Variants in RCSD1 observed in about 807,000 individuals in gnomAD.
The protein encoded by RCSD1 is capZ-interacting protein.
RCSD1 carries 26 observed loss-of-function variants against 42.5 expected under a neutral mutation model. The ratio of observed to expected loss-of-function variants is 0.61; its 90% CI spans 0.45 to 0.85. The LOEUF (loss-of-function observed/expected upper bound fraction) is 0.85. Ranked by LOEUF, RCSD1 falls within the 40% of genes least tolerant of loss-of-function variation. The pLI is 0.00. For synonymous variants in RCSD1, 220 were observed against 212.2 expected (o/e 1.04, Z -0.32); for missense variants, 571 against 528.3 (o/e 1.08, Z -0.79).
intron 1 of RCSD1, among the ~76,000 whole-genome samples, chr1:167,671,201 T>C (rs1459681013): frequency 6.6e-6 from 1 of 152,166 alleles, no homozygotes; most frequent in African/African-American, 2.4e-5. Context: ...AAACTCCACA[T>C]CTTGAAGCCA....
intron 1 of RCSD1, among the ~76,000 whole-genome samples, chr1:167,662,751 A>G (rs1352694914): frequency 6.6e-6 from 1 of 152,154 alleles, no homozygotes; most frequent in Admixed American, 6.5e-5. Flanking sequence ...GAGGGATGGG[A>G]TTCTTTACTT....
intron 4 of RCSD1, among the ~76,000 whole-genome samples, chr1:167,690,322 C>T (rs922475046): frequency 1.3e-5 from 2 of 152,158 alleles, no homozygotes; most frequent in African/African-American, 4.8e-5. Context: ...ATAAGGACCA[C>T]ATCAAGCACA....
chr1:167,654,896 G>T (rs1658388572), intron 1 of RCSD1, among the ~76,000 whole-genome samples: 1 of 152,108 alleles, frequency 6.6e-6, no homozygotes, highest in Admixed American at 6.6e-5. Context: ...TGAGAAGGCA[G>T]GGGAGACAGA....
At chr1:167,681,298 C>T (rs1365221491) in intron 1 of RCSD1, among the ~76,000 whole-genome samples, 1 of 152,166 alleles carries the variant, frequency 6.6e-6, no homozygotes, top group East Asian at 1.9e-4. Flanking sequence ...CTGTCACTTG[C>T]CTTCTCTGGG....
chr1:167,694,032 C>G, intron 4 of RCSD1, 67 bp from the exon 5 acceptor site: 1 of 1,523,018 alleles, frequency 6.6e-7, no homozygotes, highest in South Asian at 1.1e-5. Flanking sequence ...AGATAACCAA[C>G]AAGCTAAAGT....
At chr1:167,673,226 AT>A (rs1186419350) in intron 1 of RCSD1, among the ~76,000 whole-genome samples, 1 of 152,270 alleles carries the variant, frequency 6.6e-6, no homozygotes, top group East Asian at 1.9e-4. Context: ...CATGACAATG[AT>A]TCCTTTTTAA....
Position 167,630,277 on chromosome 1 carries a change from G to A in RCSD1, c.-147G>A. 3 of 697,874 alleles carry A rather than the reference G, an allele frequency of 4.3e-6. No individual in the cohort carries two copies. The highest frequency in any genetic ancestry group is 5.7e-5 in the Admixed American group (1 of 17,584). 43.2% of individuals were successfully genotyped at this position (697,874 alleles called of 1,614,324 possible). On this transcript the variant is annotated 5_prime_UTR_variant, in exon 1 of 7. Coordinates refer to ENST00000367854, the MANE Select transcript of RCSD1 (RefSeq NM_052862.4). ...GGCCGGGGCAGTCCCGCAGCCGAGC[G>A]CAGCCGGGCGCGCGCCACCGCCCAC...
Position 167,642,522 on chromosome 1 carries a change from C to T in RCSD1, c.6+12093C>T, listed in dbSNP as rs144872372. Among the ~76,000 whole-genome samples the T allele has an allele frequency of 4.6e-5, 7 of 152,252 alleles. No homozygotes were observed. The East Asian group carries it at 1.3e-3, about 29-fold the overall frequency. ...ACGAGAAGCTAGGGGTGCAGATATG[C>T]AGGAAAATATATCAGAGAAATATAA... On this transcript the variant is annotated intron_variant, in intron 1 of 6. Transcript: ENST00000367854.
intron 1 of RCSD1, among the ~76,000 whole-genome samples, chr1:167,635,402 CAG>C (rs143766129): frequency 0.024 from 3,704 of 152,276 alleles, 68 homozygotes; most frequent in Non-Finnish European, 0.037. Flanking sequence ...ACTGCGACGA[CAG>C]GGGGAATTTG....
chr1:167,646,034 C>T (rs921779400), intron 1 of RCSD1, among the ~76,000 whole-genome samples: 3 of 152,098 alleles, frequency 2.0e-5, no homozygotes, highest in Non-Finnish European at 2.9e-5. Flanking sequence ...AATGAAGCTG[C>T]GAAACCAACT....
intron 1 of RCSD1, among the ~76,000 whole-genome samples, chr1:167,682,510 T>C (rs1290397837): frequency 6.6e-6 from 1 of 152,118 alleles, no homozygotes; most frequent in African/African-American, 2.4e-5. Context: ...TTAACTTAAC[T>C]TCCCTGCTGG....
In RCSD1 at chr1:167,632,199, G is replaced by A. The variant is rs145977590; in HGVS notation, c.6+1770G>A. Among the ~76,000 whole-genome samples, 564 of 152,348 alleles carry A rather than the reference G, an allele frequency of 3.7e-3. 2 individuals are homozygous for A. The highest frequency in any genetic ancestry group is 6.9e-3 in the Non-Finnish European group (469 of 68,036). On this transcript the variant is annotated intron_variant, in intron 1 of 6. Coordinates refer to ENST00000367854, the MANE Select transcript of RCSD1 (RefSeq NM_052862.4). ...CACCCAGCTTCTTGGGTTGGGTGAA[G>A]TCTCCTTAAGAAATTGTTTTAGAAG...
chr1:167,700,824 C>A (rs1030844163), intron 6 of RCSD1, among the ~76,000 whole-genome samples: 1 of 152,178 alleles, frequency 6.6e-6, no homozygotes, highest in Non-Finnish European at 1.5e-5. Context: ...AAGTAGTCAC[C>A]TGCCAGTGGT....
rs1659779665 is a variant in RCSD1 at position 167,707,304 on chromosome 1, T to G, written c.*2608T>G. Among the ~76,000 whole-genome samples the G allele has an allele frequency of 6.6e-6, 1 of 152,194 alleles. No individual in the cohort carries two copies. Among genetic ancestry groups the G allele is most frequent in the South Asian group, 2.1e-4 (1 of 4,828 alleles). ...GTTCAATAAATAAATGTCAAAGAAA[T>G]AAATGCGTGAAAAGGCAACCAGTTC... is the stretch of plus-strand genomic sequence containing the variant. On this transcript the variant is annotated 3_prime_UTR_variant, in exon 7 of 7. Coordinates refer to ENST00000367854, the MANE Select transcript of RCSD1 (RefSeq NM_052862.4).
At chr1:167,689,963 C>T (rs926563947) in intron 3 of RCSD1, 86 bp from the exon 4 acceptor site, 6 of 1,300,814 alleles carry the variant, frequency 4.6e-6, no homozygotes, top group East Asian at 2.3e-5. Context: ...TTCTCTTCTC[C>T]TTCTGCCTGT....
intron 1 of RCSD1, among the ~76,000 whole-genome samples, chr1:167,639,419 C>T (rs556422124): frequency 6.6e-6 from 1 of 152,236 alleles, no homozygotes; most frequent in African/African-American, 2.4e-5. Flanking sequence ...TAGGTCTTCC[C>T]TAGCAAGCAC....
intron 2 of RCSD1, among the ~76,000 whole-genome samples, chr1:167,684,474 G>A (rs1287500696): frequency 3.9e-5 from 6 of 152,234 alleles, no homozygotes; most frequent in Admixed American, 2.6e-4. Context: ...CAGGAAGGAA[G>A]AGCGTCCGGT....
At chr1:167,691,122 T>A (rs1431158682) in intron 4 of RCSD1, among the ~76,000 whole-genome samples, 1 of 152,198 alleles carries the variant, frequency 6.6e-6, no homozygotes, top group Non-Finnish European at 1.5e-5. Flanking sequence ...ATAGTGTTGT[T>A]GCAGGGGCTG....
intron 1 of RCSD1, among the ~76,000 whole-genome samples, chr1:167,639,362 G>A (rs1372868458): frequency 6.6e-6 from 1 of 152,188 alleles, no homozygotes; most frequent in Non-Finnish European, 1.5e-5. Flanking sequence ...TTTGTGTATT[G>A]TCTTCTTGGC....
Sources: gnomAD v4.1 joint callset for allele counts (sites outside exome capture counted in the v4.1 genomes callset) on GRCh38, gnomAD v4.1.1 for gene constraint, MANE v1.5 for transcripts, NCBI Gene and HGNC (gene_info 2026-07-23, HGNC 2026-07-21) for gene names.